COL5A1: variants seen among roughly 807,000 people sequenced by gnomAD.
COL5A1 encodes the protein collagen alpha-1(V) chain.
A neutral mutation model predicts 263.7 loss-of-function variants in COL5A1; 16 were observed. The observed-to-expected ratio is 0.06, with a 90% CI of 0.04 to 0.09. COL5A1 has a LOEUF of 0.09. Ranked by LOEUF, COL5A1 falls within the 10% of genes least tolerant of loss-of-function variation. COL5A1 has a pLI of 1.00. For synonymous variants in COL5A1, 1,012 were observed against 1,004.5 expected, an observed-to-expected ratio of 1.01 and a Z score of -0.14; for missense variants, 2,036 against 2,540.5, an observed-to-expected ratio of 0.80 and a Z score of 4.27.
At chr9:134,824,876 G>A (rs143914892) in intron 62 of COL5A1, 21 bp downstream of exon 62, 1 of 1,603,050 alleles carries the variant, frequency 6.2e-7, no homozygotes, top group Non-Finnish European at 8.5e-7. Flanking sequence ...GGGGGGGCAG[G>A]GGTGGCCCCC....
At chr9:134,799,717 C>T (rs954814498) in intron 37 of COL5A1, among the ~76,000 whole-genome samples, 1 of 152,248 alleles carries the variant, frequency 6.6e-6, no homozygotes, top group African/African-American at 2.4e-5. Context: ...CTGCACGGCG[C>T]ATGCTGCCTG....
chr9:134,747,921 GCATT>G (rs1291892476), intron 11 of COL5A1, among the ~76,000 whole-genome samples: 1 of 125,076 alleles, frequency 8.0e-6, no homozygotes, highest in Non-Finnish European at 1.7e-5. Flanking sequence ...ATGCACACAT[GCATT>G]CATACACACA....
chr9:134,745,161 T>A (rs573833952), intron 11 of COL5A1, among the ~76,000 whole-genome samples: 15 of 152,372 alleles, frequency 9.8e-5, no homozygotes, highest in African/African-American at 3.6e-4. Context: ...TGTGGGTTTC[T>A]CTGCTGTAGC....
chr9:134,661,845 C>T (rs771464031), intron 1 of COL5A1, among the ~76,000 whole-genome samples: 25 of 152,300 alleles, frequency 1.6e-4, no homozygotes, highest in Non-Finnish European at 2.6e-4. Flanking sequence ...GCTGTTCCTC[C>T]GACCGCTTCT....
chr9:134,807,354 C>T (rs990811665), intron 42 of COL5A1, among the ~76,000 whole-genome samples: 4 of 152,178 alleles, frequency 2.6e-5, no homozygotes, highest in Admixed American at 6.5e-5. Context: ...AGTGCAGTGG[C>T]GCAATCTCGG....
intron 18 of COL5A1, among the ~76,000 whole-genome samples, chr9:134,760,020 ACACACC>A (rs1176095059): frequency 9.9e-6 from 1 of 100,788 alleles, no homozygotes; most frequent in Non-Finnish European, 1.8e-5. Flanking sequence ...ACACATGCAC[ACACACC>A]CACGCACACA....
chr9:134,654,239 AGGGCTGGGGGTGTTTT>A (rs1831817306), intron 1 of COL5A1, among the ~76,000 whole-genome samples: 1 of 118,972 alleles, frequency 8.4e-6, no homozygotes. Flanking sequence ...GGAGGTGTGT[AGGGCTGGGGGTGTTTT>A]GGGCTGTAGG....
At position 134,647,203 on chromosome 9, in the gene COL5A1, G is replaced by A. The variant is rs571802095; in HGVS notation, c.109+4907G>A. On this transcript the variant is annotated intron_variant, in intron 1 of 65. Transcript: ENST00000371817. The surrounding 1 kb of genome is among the most constrained non-coding windows in gnomAD (Gnocchi z 5.0). Reference sequence around the variant, plus strand: ...GACCCCTGGGGCTCTGCTGTTGCCCGCTTAGCCGGTCTCTGCTGCCCCTTT... The same window carrying A: ...GACCCCTGGGGCTCTGCTGTTGCCCACTTAGCCGGTCTCTGCTGCCCCTTT... 5.3e-5 allele frequency among the ~76,000 whole-genome samples: 8 copies of A among 152,304 alleles called. No individual in the cohort carries two copies. The highest frequency in any genetic ancestry group is 2.1e-4 in the South Asian group (1 of 4,826).
In COL5A1 at chr9:134,754,191, G is replaced by A. The variant is rs528332407; in HGVS notation, c.1774-82G>A. 14 of 1,466,504 alleles carry A rather than the reference G, an allele frequency of 9.5e-6. No individual in the cohort carries two copies. The highest frequency in any genetic ancestry group is 1.7e-4 in the Middle Eastern group (1 of 5,812). 90.8% of individuals were successfully genotyped at this position (1,466,504 alleles called of 1,614,324 possible). On this transcript the variant is annotated intron_variant, in intron 15 of 65. Transcript: ENST00000371817. The surrounding 1 kb of genome is among the most constrained non-coding windows in gnomAD (Gnocchi z 4.3). ...TGGACAGCCAGGCATGGGCAGGGTC[G>A]ATGAGCACAGGGACAAGGCTTTGCT...
rs1463810954 is a variant in COL5A1 at position 134,678,368 on chromosome 9, C to T, written c.110-12544C>T. Among the ~76,000 whole-genome samples, 1 of 152,160 alleles carries T rather than the reference C, an allele frequency of 6.6e-6. No homozygotes were observed. The highest frequency in any genetic ancestry group is 1.5e-5 in the Non-Finnish European group (1 of 68,026). ...ATAACAGGTGCACAGTCCTCAGCTG[C>T]CCCTCCCCCATGGTGCTCGGGTGCA... On this transcript the variant is annotated intron_variant, in intron 1 of 65. Coordinates refer to ENST00000371817, the MANE Select transcript of COL5A1 (RefSeq NM_000093.5). The surrounding 1 kb of genome is among the most constrained non-coding windows in gnomAD (Gnocchi z 5.5).
intron 27 of COL5A1, among the ~76,000 whole-genome samples, chr9:134,777,435 C>A (rs1837094942): frequency 6.6e-6 from 1 of 152,212 alleles, no homozygotes; most frequent in African/African-American, 2.4e-5. Flanking sequence ...TGCTGCTCAC[C>A]CCACCACGGA....
chr9:134,707,440 C>T (rs981750689), intron 4 of COL5A1, among the ~76,000 whole-genome samples: 3 of 152,158 alleles, frequency 2.0e-5, no homozygotes, highest in Admixed American at 6.5e-5. Context: ...CTGGCTTTTC[C>T]ACTGACATGT....
chr9:134,798,984 C>T (rs1318526209), intron 37 of COL5A1, among the ~76,000 whole-genome samples: 2 of 152,190 alleles, frequency 1.3e-5, no homozygotes, highest in Non-Finnish European at 2.9e-5. Context: ...TCACCCGGGC[C>T]CTTCCAGCTC....
At chr9:134,738,559 G>C in intron 10 of COL5A1, 44 bp downstream of exon 10, 1 of 1,612,732 alleles carries the variant, frequency 6.2e-7, no homozygotes, top group Non-Finnish European at 8.5e-7. Flanking sequence ...AGGTGCTCTT[G>C]GTGGGGTGGG....
In COL5A1 at chr9:134,821,398, C is replaced by A. The variant is rs1431900391; in HGVS notation, c.4555-699C>A. ...GACAAGGTGAAGGGAGGGAAGCGCT[C>A]CCTCCCCAGTGAAATACGGCCATCA... On this transcript the variant is annotated intron_variant, in intron 58 of 65. Coordinates refer to ENST00000371817, the MANE Select transcript of COL5A1 (RefSeq NM_000093.5). This position sits in a 1 kb window ranked among gnomAD's most constrained non-coding sequence, Gnocchi z 4.2. Among the ~76,000 whole-genome samples the A allele has an allele frequency of 3.9e-5, 6 of 152,158 alleles. No individual in the cohort carries two copies. In the South Asian group the frequency reaches 1.2e-3, roughly 31 times the overall value.
intron 4 of COL5A1, among the ~76,000 whole-genome samples, chr9:134,714,827 T>C (rs1588464420): frequency 6.8e-6 from 1 of 146,318 alleles, no homozygotes; most frequent in Non-Finnish European, 1.5e-5. Flanking sequence ...GAGGCGATGA[T>C]GGTGGTGGTG....
At chr9:134,709,026 C>T (rs986546947) in intron 4 of COL5A1, 8 of 447,328 alleles carry the variant, frequency 1.8e-5, no homozygotes, top group South Asian at 1.1e-4. Context: ...ATTTAGGGCC[C>T]ATCCTAATCT....
chr9:134,816,938 T>G (rs1588584217), intron 52 of COL5A1, 88 bp from the exon 53 acceptor site: 1 of 1,229,092 alleles, frequency 8.1e-7, no homozygotes, highest in Non-Finnish European at 1.2e-6. Flanking sequence ...GGCCGAGGAG[T>G]AAATAGACTG....
At chr9:134,826,522 A>G (rs1235271656) in intron 63 of COL5A1, among the ~76,000 whole-genome samples, 1 of 151,318 alleles carries the variant, frequency 6.6e-6, no homozygotes, top group African/African-American at 2.4e-5. Flanking sequence ...GTGTGGGCAC[A>G]TGTGGATGAG....
Sources: gnomAD v4.1 joint callset for allele counts (sites outside exome capture counted in the v4.1 genomes callset) on GRCh38, gnomAD v4.1.1 for gene constraint, Gnocchi (gnomAD v3.1) non-coding constraint, MANE v1.5 for transcripts, NCBI Gene and HGNC (gene_info 2026-07-23, HGNC 2026-07-21) for gene names.